The following WWP1 variants were observed in gnomAD, a reference collection of about 807,000 sequenced individuals.
WWP1 encodes the protein NEDD4-like E3 ubiquitin-protein ligase WWP1.
WWP1 carries 49 observed loss-of-function variants against 130.6 expected under a neutral mutation model. The ratio of observed to expected loss-of-function variants is 0.38; its 90% CI spans 0.30 to 0.48. The LOEUF (loss-of-function observed/expected upper bound fraction) is 0.48, where lower values mean the gene tolerates loss of function less well. Among genes scored for constraint, WWP1 ranks in the 20% least tolerant of loss-of-function variants. WWP1 has a pLI of 0.99. For missense variants in WWP1, 809 were observed against 1,100.6 expected, an observed-to-expected ratio of 0.74 and a Z score of 3.75; for synonymous variants, 332 against 367.8, an observed-to-expected ratio of 0.90 and a Z score of 1.11.
intron 16 of WWP1, among the ~76,000 whole-genome samples, chr8:86,437,737 C>T (rs537803964): frequency 1.3e-5 from 2 of 152,148 alleles, no homozygotes; most frequent in South Asian, 2.1e-4. Context: ...TTACCAATAA[C>T]GTAAAGAGTC....
chr8:86,467,055 C>A lies in WWP1; in HGVS notation c.*162C>A. On this transcript the variant is annotated 3_prime_UTR_variant, in exon 25 of 25. Coordinates refer to ENST00000517970, the MANE Select transcript of WWP1 (RefSeq NM_007013.4). ...ACAGAAATATGCAAAACAGTTCATC[C>A]TTTTCTACTTTATTTATTGTTCCCT... 1.8e-6 allele frequency: 1 copy of A among 547,942 alleles called. No homozygotes were observed. The highest frequency in any genetic ancestry group is 3.2e-6 in the Non-Finnish European group (1 of 312,666). 33.9% of individuals were successfully genotyped at this position (547,942 alleles called of 1,614,324 possible).
In WWP1 at chr8:86,383,562, T is replaced by C. The variant is rs183647677; in HGVS notation, c.334+1933T>C. Among the ~76,000 whole-genome samples the C allele has an allele frequency of 2.3e-3, 345 of 152,162 alleles. 1 individual carries two copies. The highest frequency in any genetic ancestry group is 8.0e-3 in the African/African-American group (332 of 41,508). ...TTTGAGACCAGCCTGGCCAACATGG[T>C]GAGACCCTGTGTCTACCAAAAATAC... On this transcript the variant is annotated intron_variant, in intron 5 of 24. Transcript: ENST00000517970.
At chr8:86,432,021 A>G (rs1012310754) in intron 14 of WWP1, among the ~76,000 whole-genome samples, 3 of 152,172 alleles carry the variant, frequency 2.0e-5, no homozygotes, top group Admixed American at 6.5e-5. Flanking sequence ...GGTAGATACT[A>G]TTATTTTTCC....
chr8:86,448,666 A>C (rs906188716), intron 20 of WWP1, among the ~76,000 whole-genome samples, 153 bp downstream of exon 20: 4 of 151,956 alleles, frequency 2.6e-5, no homozygotes, highest in Non-Finnish European at 4.4e-5. Flanking sequence ...ATGTTGCTTC[A>C]TTTTCCCACT....
chr8:86,352,582 C>G (rs1822999801), intron 1 of WWP1, among the ~76,000 whole-genome samples: 1 of 152,042 alleles, frequency 6.6e-6, no homozygotes, highest in African/African-American at 2.4e-5. Flanking sequence ...CCAGGCTGGT[C>G]TTGAACTCCT....
chr8:86,438,101 G>A (rs1810398038), intron 16 of WWP1, among the ~76,000 whole-genome samples: 1 of 151,948 alleles, frequency 6.6e-6, no homozygotes, highest in African/African-American at 2.4e-5. Context: ...CACCCGGCCT[G>A]TATACTGTAT....
In WWP1 at chr8:86,468,237, A is replaced by G. The variant is rs906597071; in HGVS notation, c.*1344A>G. 1 of 292,030 alleles carries G rather than the reference A, an allele frequency of 3.4e-6. No homozygotes were observed. The highest frequency in any genetic ancestry group is 2.3e-5 in the African/African-American group (1 of 44,372). 18.1% of individuals were successfully genotyped at this position (292,030 alleles called of 1,614,324 possible). ...AAAATCTGTTGCCTATAAATATTTC[A>G]CTGCTAAGTACATACAGAAAAACAG... On this transcript the variant is annotated 3_prime_UTR_variant, in exon 25 of 25. Transcript: ENST00000517970.
Position 86,402,030 on chromosome 8 carries a change from A to G in WWP1, c.551A>G (p.Glu184Gly), listed in dbSNP as rs750397448. Reference protein sequence around the residue: ...SARTTARLAVEGTNGIDNHVP... With the variant: ...SARTTARLAVGGTNGIDNHVP... Reference sequence around the variant, plus strand: ...ATTTTTTTTTCAAGGTTGGCTGTTGAAGGCACGAATGGAATAGATAATCAT... The same window carrying G: ...ATTTTTTTTTCAAGGTTGGCTGTTGGAGGCACGAATGGAATAGATAATCAT... Residue 184 changes from glutamate (E) to glycine (G), a missense_variant, in exon 8 of 25, where the codon GAA becomes GGA. Transcript: ENST00000517970. The G allele has an allele frequency of 2.5e-6, 4 of 1,572,672 alleles. No individual in the cohort carries two copies. The highest frequency in any genetic ancestry group is 3.5e-6 in the Non-Finnish European group (4 of 1,158,164).
intron 21 of WWP1, among the ~76,000 whole-genome samples, chr8:86,453,659 T>C (rs1477854090): frequency 1.3e-5 from 2 of 152,192 alleles, no homozygotes; most frequent in South Asian, 2.1e-4. Context: ...CTATTAAACA[T>C]GTAGAAAGAT....
chr8:86,362,087 CAT>C (rs58390698), intron 1 of WWP1, among the ~76,000 whole-genome samples: 32 of 124,766 alleles, frequency 2.6e-4, no homozygotes, highest in Middle Eastern at 4.0e-3. Context: ...TATATACACA[CAT>C]ATATATATAC....
chr8:86,435,944 C>T (rs897742108), intron 16 of WWP1, among the ~76,000 whole-genome samples: 5 of 152,096 alleles, frequency 3.3e-5, no homozygotes, highest in African/African-American at 1.2e-4. Context: ...AACGATCTAC[C>T]CACCTCGGCC....
rs1446114075 is a variant in WWP1, at chr8:86,342,701, C to T, written c.-344C>T. 4 of 207,532 alleles carry T rather than the reference C, an allele frequency of 1.9e-5. No individual in the cohort carries two copies. The highest frequency in any genetic ancestry group is 1.6e-4 in the East Asian group (3 of 18,512). The allele number at this position is 207,532 out of a possible 1,614,324, so 12.9% of individuals were successfully genotyped here. On this transcript the variant is annotated 5_prime_UTR_variant, in exon 1 of 25. Transcript: ENST00000517970. ...GGTGTGGGGTCGGCTGGGGGTGGCG[C>T]GTGGACGGGGTGGGGGTGGGGGGAG...
intron 5 of WWP1, among the ~76,000 whole-genome samples, chr8:86,390,743 C>T (rs1365130448): frequency 1.3e-5 from 2 of 150,340 alleles, no homozygotes; most frequent in African/African-American, 2.5e-5. Context: ...GGAGGAGGAG[C>T]GGGAGGGAGA....
Position 86,430,749 on chromosome 8 carries a change from G to A in WWP1, c.1385G>A (p.Trp462Ter). ...CCTTATGGACCTTTGCCACCAGGCT[G>A]GGGTAAGCTGTTTTTGCTAATGATC... ...NDPYGPLPPG[W>*]EKRVDSTDRV... is the part of the protein sequence containing the mutation. The change falls in exon 12 of 25, where the codon TGG becomes TAG. Residue 462 changes from tryptophan to a stop codon, truncating the protein, a stop_gained and splice_region_variant. Transcript: ENST00000517970. LOFTEE classifies it high-confidence loss of function. 1 of 1,548,664 alleles carries A rather than the reference G, an allele frequency of 6.5e-7. No individual in the cohort carries two copies. Among genetic ancestry groups the A allele is most frequent in the Non-Finnish European group, 8.7e-7 (1 of 1,145,436 alleles).
At chr8:86,374,819 C>T (rs1010246764) in intron 3 of WWP1, among the ~76,000 whole-genome samples, 5 of 152,004 alleles carry the variant, frequency 3.3e-5, no homozygotes, top group East Asian at 1.9e-4. Context: ...AAGTGATCCT[C>T]GTGCTTCAGC....
At chr8:86,371,514 A>G (rs1327499235) in intron 2 of WWP1, among the ~76,000 whole-genome samples, 1 of 152,186 alleles carries the variant, frequency 6.6e-6, no homozygotes, top group Non-Finnish European at 1.5e-5. Flanking sequence ...CACTATCAAC[A>G]TTCCTAGTTT....
At chr8:86,403,418 CCTGAGTAG>C (rs1276591390) in intron 8 of WWP1, among the ~76,000 whole-genome samples, 1 of 152,108 alleles carries the variant, frequency 6.6e-6, no homozygotes, top group Non-Finnish European at 1.5e-5. Context: ...GCCTCAGCCT[CCTGAGTAG>C]CTGGGATTAC....
Position 86,373,882 on chromosome 8 carries a change from G to A in WWP1, c.-21-148G>A, listed in dbSNP as rs989949465. 9.3e-6 allele frequency: 5 copies of A among 537,300 alleles called. No homozygotes were observed. The African/African-American group carries it at 9.9e-5, about 11-fold the overall frequency. The allele number at this position is 537,300 out of a possible 1,614,324, so 33.3% of individuals were successfully genotyped here. A position where few individuals can be genotyped will look rare whatever the true frequency, so the allele number is the denominator to read the frequency against. On this transcript the variant is annotated intron_variant, in intron 2 of 24. Coordinates refer to ENST00000517970, the MANE Select transcript of WWP1 (RefSeq NM_007013.4). ...TTTCTGTTATTTCAACTAACTTTAG[G>A]GTTTTCTTTTAATGGGATGGTAATA...
intron 9 of WWP1, among the ~76,000 whole-genome samples, chr8:86,419,228 G>A (rs1431131787): frequency 2.0e-5 from 3 of 152,154 alleles, no homozygotes; most frequent in Non-Finnish European, 4.4e-5. Context: ...GACCAGCTTG[G>A]CCAATATGGT....
Sources: gnomAD v4.1 joint callset for allele counts (sites outside exome capture counted in the v4.1 genomes callset) on GRCh38, gnomAD v4.1.1 for gene constraint, MANE v1.5 for transcripts, NCBI Gene and HGNC (gene_info 2026-07-23, HGNC 2026-07-21) for gene names.